The following MDN1 variants were observed in gnomAD, a reference collection of about 807,000 sequenced individuals.
The protein encoded by MDN1 is midasin.
A neutral mutation model predicts 669.2 loss-of-function variants in MDN1; 266 were observed. That is an observed-to-expected ratio of 0.40 (90% confidence interval 0.36 to 0.44). The LOEUF (loss-of-function observed/expected upper bound fraction) is 0.44. Ranked by LOEUF, MDN1 falls within the 20% of genes least tolerant of loss-of-function variation. The pLI, the probability that MDN1 is intolerant of heterozygous loss-of-function variation, is 1.00. For missense variants in MDN1, 5,940 were observed against 6,754.0 expected (o/e 0.88, Z 4.22); for synonymous variants, 2,385 against 2,457.1 (o/e 0.97, Z 0.87).
intron 1 of MDN1, among the ~76,000 whole-genome samples, chr6:89,810,747 C>T (rs1768362531): frequency 6.6e-6 from 1 of 152,130 alleles, no homozygotes; most frequent in African/African-American, 2.4e-5. Context: ...GCTGTAATTC[C>T]AGCACTCTCG....
chr6:89,718,693 C>T (rs1361418182), intron 42 of MDN1, 66 bp from the exon 43 acceptor site: 5 of 1,606,392 alleles, frequency 3.1e-6, no homozygotes, highest in Non-Finnish European at 4.3e-6. Context: ...TACTCATCAC[C>T]AACTCAGAAG....
chr6:89,754,530 G>C (rs1038476881), intron 20 of MDN1, among the ~76,000 whole-genome samples: 3 of 152,210 alleles, frequency 2.0e-5, no homozygotes, highest in Non-Finnish European at 4.4e-5. Context: ...CTGTGTTCCA[G>C]AGTCTGTTCA....
chr6:89,777,820 C>A (rs574517008), intron 11 of MDN1, among the ~76,000 whole-genome samples: 50 of 152,218 alleles, frequency 3.3e-4, no homozygotes, highest in Non-Finnish European at 6.0e-4. Flanking sequence ...AGTTCATCCC[C>A]AACCAATCAG....
At chr6:89,811,160 G>C (rs1386314148) in intron 1 of MDN1, among the ~76,000 whole-genome samples, 4 of 152,074 alleles carry the variant, frequency 2.6e-5, no homozygotes, top group Non-Finnish European at 5.9e-5. Flanking sequence ...CTAGTATTCT[G>C]CATGAATACT....
chr6:89,729,664 T>C (rs940586454), intron 35 of MDN1, among the ~76,000 whole-genome samples: 22 of 151,244 alleles, frequency 1.5e-4, no homozygotes, highest in African/African-American at 5.3e-4. Flanking sequence ...GAAGAAGTTT[T>C]TGTTTTGTTT....
Position 89,730,803 on chromosome 6 carries a change from A to T in MDN1, c.5063T>A (p.Ile1688Asn). 3 of 1,614,078 alleles carry T rather than the reference A, an allele frequency of 1.9e-6. No homozygotes were observed. The highest frequency in any genetic ancestry group is 2.5e-6 in the Non-Finnish European group (3 of 1,179,976). Residue 1688 changes from isoleucine to asparagine, a missense_variant, in exon 35 of 102, where the codon ATT becomes AAT. By Grantham distance (149) the Ile-to-Asn change is moderately radical. Coordinates refer to ENST00000369393, the MANE Select transcript of MDN1 (RefSeq NM_014611.3). ...TTCTTTGGCCTTCATTCTGTCATAA[A>T]TCTTCAACTCATTTTTCTGATATTC... ...LTEYQKNELK[I>N]YDRMKAKEFT...
rs755043161 is a variant in MDN1 at position 89,646,528 on chromosome 6, C to T, written c.16459+12G>A. ...AGCATTTTGTTAATGAAGAGGAAGG[C>T]ATGCAGCTCACCTGAACTGATGTTC... On this transcript the variant is annotated intron_variant, in intron 100 of 101. Coordinates refer to ENST00000369393, the MANE Select transcript of MDN1 (RefSeq NM_014611.3). The T allele has an allele frequency of 1.2e-6, 2 of 1,612,800 alleles. No homozygotes were observed. The highest frequency in any genetic ancestry group is 2.2e-5 in the South Asian group (2 of 90,960).
chr6:89,791,875 ATTTTT>A (rs66492732), intron 5 of MDN1, among the ~76,000 whole-genome samples: 3 of 114,028 alleles, frequency 2.6e-5, no homozygotes, highest in Admixed American at 2.1e-4. Context: ...AAAACTTTTA[ATTTTT>A]TTTTTTTTTT....
intron 43 of MDN1, among the ~76,000 whole-genome samples, chr6:89,718,077 T>A (rs1253452461): frequency 6.6e-6 from 1 of 152,202 alleles, no homozygotes; most frequent in Admixed American, 6.5e-5. Flanking sequence ...AGTAAAAAAA[T>A]AGCCAGTAAT....
At chr6:89,720,800 G>A (rs577800821) in intron 40 of MDN1, among the ~76,000 whole-genome samples, 5 of 152,306 alleles carry the variant, frequency 3.3e-5, no homozygotes, top group African/African-American at 1.2e-4. Flanking sequence ...TATGATAAAT[G>A]AGTTAGTGTG....
rs576277079 is a variant in MDN1 at position 89,647,194 on chromosome 6, A to G, written c.16396-591T>C. ...GAAGTGCTTCCCTGGGGCATAAGAAATCAATACTCCCTCAAATAAACCAAA... is the reference window on the plus strand; with the variant it reads ...GAAGTGCTTCCCTGGGGCATAAGAAGTCAATACTCCCTCAAATAAACCAAA... On this transcript the variant is annotated intron_variant, in intron 99 of 101. Coordinates refer to ENST00000369393, the MANE Select transcript of MDN1 (RefSeq NM_014611.3). Among the ~76,000 whole-genome samples, 3 of 152,328 alleles carry G rather than the reference A, an allele frequency of 2.0e-5. No homozygotes were observed. In the South Asian group the frequency reaches 6.2e-4, roughly 32 times the overall value.
chr6:89,677,418 C>T, intron 76 of MDN1, 152 bp downstream of exon 76: 1 of 885,620 alleles, frequency 1.1e-6, no homozygotes, highest in Non-Finnish European at 1.7e-6. Flanking sequence ...GAATGTCCAT[C>T]AGGAGTCAGA....
Position 89,690,806 on chromosome 6 carries a change from T to G in MDN1, c.10616A>C (p.Glu3539Ala). 6.2e-7 allele frequency: 1 copy of G among 1,614,140 alleles called. No individual in the cohort carries two copies. Among genetic ancestry groups the G allele is most frequent in the Non-Finnish European group, 8.5e-7 (1 of 1,180,006 alleles). ...QEIISEWDEQ[E>A]RIAQEKAEQE... is the part of the protein sequence containing the mutation. ...CTCAGCCTTCTCTTGGGCTATGCGT[T>G]CCTGCTCATCCCACTCACTGATGAT... is the stretch of plus-strand genomic sequence containing the variant. The change falls in exon 64 of 102, where the codon GAA (glutamate) becomes GCA (alanine). Residue 3539 changes from glutamate to alanine, a missense_variant. Coordinates refer to ENST00000369393, the MANE Select transcript of MDN1 (RefSeq NM_014611.3).
rs111391459 is a variant in MDN1, at chr6:89,713,179, A to G, written c.7187T>C (p.Val2396Ala). Residue 2396 changes from valine to alanine, a missense_variant, in exon 47 of 102, where the codon GTC (valine) becomes GCC (alanine). Coordinates refer to ENST00000369393, the MANE Select transcript of MDN1 (RefSeq NM_014611.3). ...GTTTGCTGGTGAATGCTGGGAACAG[A>G]CATATACTTCCCAGCATGCTTCAGA... Reference protein sequence around the residue: ...AFSEACWEVYVCSQHSPANRK... With the variant: ...AFSEACWEVYACSQHSPANRK... 19 of 1,613,980 alleles carry G rather than the reference A, an allele frequency of 1.2e-5. No homozygotes were observed. Among genetic ancestry groups the G allele is most frequent in the Non-Finnish European group, 1.6e-5 (19 of 1,180,022 alleles).
At chr6:89,778,769 C>T (rs1217876857) in intron 11 of MDN1, among the ~76,000 whole-genome samples, 1 of 151,424 alleles carries the variant, frequency 6.6e-6, no homozygotes, top group Non-Finnish European at 1.5e-5. Context: ...GCCTGTAGTC[C>T]CAGTTACTCG....
chr6:89,803,278 C>T, intron 2 of MDN1, 50 bp downstream of exon 2: 1 of 1,483,778 alleles, frequency 6.7e-7, no homozygotes, highest in Non-Finnish European at 9.4e-7. Flanking sequence ...CAGGAGACAG[C>T]AGGTTCTATC....
chr6:89,662,703 A>AAGAAG, intron 86 of MDN1, 89 bp downstream of exon 86: 3 of 1,379,510 alleles, frequency 2.2e-6, no homozygotes, highest in South Asian at 1.4e-5. Flanking sequence ...AATACAGAAA[A>AAGAAG]AGAAGAGAAG....
In MDN1 at chr6:89,819,530, C is replaced by G. The variant is rs1769114150; in HGVS notation, c.78G>C (p.Glu26Asp). 6.2e-7 allele frequency: 1 copy of G among 1,605,942 alleles called. No homozygotes were observed. ...CCTGCTTGGCCAAGAACCTGCCCAA[C>G]TCACTGCGGCTCTTCTCGTTCTTGG... is the stretch of plus-strand genomic sequence containing the variant. ...IAAKNEKSRS[E>D]LGRFLAKQVW... The change falls in exon 1 of 102, where the codon GAG becomes GAC. Residue 26 changes from glutamate to aspartate, a missense_variant. Coordinates refer to ENST00000369393, the MANE Select transcript of MDN1 (RefSeq NM_014611.3).
chr6:89,698,442 C>T (rs1226395760), intron 59 of MDN1, among the ~76,000 whole-genome samples: 2 of 152,106 alleles, frequency 1.3e-5, no homozygotes, highest in African/African-American at 4.8e-5. Context: ...TAAAAATAAG[C>T]TGGAATGACA....
Sources: allele counts gnomAD v4.1 joint callset (sites outside exome capture counted in the v4.1 genomes callset), GRCh38; gene constraint gnomAD v4.1.1; transcripts MANE v1.5; gene names NCBI Gene and HGNC (gene_info 2026-07-23, HGNC 2026-07-21).